Variants in HIVEP3 observed in about 807,000 individuals in gnomAD.
HIVEP3 encodes the protein HIVEP zinc finger 3, also known as transcription factor HIVEP3.
In HIVEP3, 49 loss-of-function variants were observed where a neutral mutation model predicts 152.8. That is an observed-to-expected ratio of 0.32 (90% CI 0.26 to 0.41). The LOEUF (loss-of-function observed/expected upper bound fraction) is 0.41, where lower values mean the gene tolerates loss of function less well. Among genes scored for constraint, HIVEP3 ranks in the 10% least tolerant of loss-of-function variants. The pLI, the probability that HIVEP3 is intolerant of heterozygous loss-of-function variation, is 1.00. For missense variants in HIVEP3, 2,790 were observed against 3,103.3 expected, an observed-to-expected ratio of 0.90 and a Z score of 2.40; for synonymous variants, 1,269 against 1,289.0, an observed-to-expected ratio of 0.98 and a Z score of 0.33.
intron 1 of HIVEP3, among the ~76,000 whole-genome samples, chr1:41,785,734 C>T (rs1361442662): frequency 6.6e-6 from 1 of 152,202 alleles, no homozygotes; most frequent in Non-Finnish European, 1.5e-5. Context: ...CACTAGCTCA[C>T]GCCTGTAATC....
intron 1 of HIVEP3, among the ~76,000 whole-genome samples, chr1:41,712,940 G>A (rs942914546): frequency 2.0e-5 from 3 of 152,234 alleles, no homozygotes; most frequent in African/African-American, 7.2e-5. Context: ...ACACAGCGGG[G>A]CAGGCTTGTC....
chr1:41,527,955 C>A (rs1643055992), intron 5 of HIVEP3, among the ~76,000 whole-genome samples: 1 of 142,638 alleles, frequency 7.0e-6, no homozygotes, highest in Non-Finnish European at 1.5e-5. Flanking sequence ...CACACATGCA[C>A]CCCACACCCT....
At chr1:42,002,545 T>A (rs1196607587) in intron 1 of HIVEP3, among the ~76,000 whole-genome samples, 1 of 152,230 alleles carries the variant, frequency 6.6e-6, no homozygotes, top group Non-Finnish European at 1.5e-5. Flanking sequence ...GGGTTCCCCA[T>A]GAACACTTTG....
intron 1 of HIVEP3, among the ~76,000 whole-genome samples, chr1:41,801,407 G>A (rs1309176312): frequency 1.1e-4 from 17 of 152,128 alleles, no homozygotes; most frequent in Admixed American, 1.1e-3. Context: ...CCTAGGTTGA[G>A]TTAATTGGGA....
rs539750640 is a variant in HIVEP3, at chr1:41,808,233, C to T, written c.-800-107238G>A. ...TACAAGGGGTGGGGCTGGACTTGAA[C>T]CTGAGGCTCCAGAGGGCATGCTCTC... On this transcript the variant is annotated intron_variant, in intron 1 of 8. Coordinates refer to ENST00000372583, the MANE Select transcript of HIVEP3 (RefSeq NM_024503.5). Among the ~76,000 whole-genome samples the T allele has an allele frequency of 2.6e-5, 4 of 152,368 alleles. No individual in the cohort carries two copies. The South Asian group carries it at 8.3e-4, about 32-fold the overall frequency.
intron 1 of HIVEP3, among the ~76,000 whole-genome samples, chr1:41,725,713 C>A (rs1646742361): frequency 6.6e-6 from 1 of 152,200 alleles, no homozygotes; most frequent in Admixed American, 6.5e-5. Context: ...CAGGCACTAT[C>A]AGATCTCCAG....
intron 3 of HIVEP3, among the ~76,000 whole-genome samples, chr1:41,611,001 G>A (rs1427741609): frequency 6.6e-6 from 1 of 152,136 alleles, no homozygotes; most frequent in Non-Finnish European, 1.5e-5. Flanking sequence ...AGTTCATACA[G>A]GCTTTCTTCC....
At chr1:41,612,486 A>G (rs1267629766) in intron 3 of HIVEP3, among the ~76,000 whole-genome samples, 3 of 152,150 alleles carry the variant, frequency 2.0e-5, no homozygotes, top group Non-Finnish European at 2.9e-5. Context: ...ATAACTAAGA[A>G]TTTCCTCAAA....
At chr1:41,949,371 G>T (rs1400546429) in intron 1 of HIVEP3, among the ~76,000 whole-genome samples, 7 of 152,112 alleles carry the variant, frequency 4.6e-5, no homozygotes, top group Non-Finnish European at 8.8e-5. Context: ...GAACTAAATG[G>T]TGACATGGAA....
At position 41,524,796 on chromosome 1, in the gene HIVEP3, G is replaced by C. The variant is rs1437891257; in HGVS notation, c.5322C>G (p.Arg1774=). 5 of 1,614,190 alleles carry C rather than the reference G, an allele frequency of 3.1e-6. No homozygotes were observed. In the East Asian group the frequency reaches 1.1e-4, roughly 36 times the overall value. ...KKPSMLKKHI[R]THTDVRPYVC... ...CATAGGGCCGGACGTCAGTGTGGGT[G>C]CGGATGTGTTTCTTCAGCATGCTGG... Residue 1774 remains arginine, a synonymous_variant, in exon 6 of 9, where the codon CGC becomes CGG. Transcript: ENST00000372583.
At chr1:41,907,994 CT>C (rs1173723900) in intron 1 of HIVEP3, among the ~76,000 whole-genome samples, 1 of 152,100 alleles carries the variant, frequency 6.6e-6, no homozygotes, top group African/African-American at 2.4e-5. Context: ...GCCTATAATT[CT>C]ATAAAAACTG....
rs1026792681 is a variant in HIVEP3 at position 41,873,131 on chromosome 1, G to A, written c.-801+45282C>T. Among the ~76,000 whole-genome samples, 1 of 152,238 alleles carries A rather than the reference G, an allele frequency of 6.6e-6. No individual in the cohort carries two copies. The highest frequency in any genetic ancestry group is 6.5e-5 in the Admixed American group (1 of 15,290). On this transcript the variant is annotated intron_variant, in intron 1 of 8. Transcript: ENST00000372583. This position sits in a 1 kb window ranked among gnomAD's most constrained non-coding sequence, Gnocchi z 4.2. The stretch of plus-strand genomic sequence containing the variant: ...GCTGGCAGGCGGCTTCCCAGGCAGG[G>A]TCTGCTCAGGACTGCTCTAGCCAGA...
intron 1 of HIVEP3, among the ~76,000 whole-genome samples, chr1:41,759,128 C>T (rs896483434): frequency 5.3e-5 from 8 of 151,750 alleles, no homozygotes; most frequent in African/African-American, 1.9e-4. Flanking sequence ...CTGGCAACCA[C>T]CAGTCTGCTT....
rs149424402 is a variant in HIVEP3 at position 41,636,740 on chromosome 1, C to G, written c.-720-7793G>C. ...AGAATATATTTAAAAATGTGGATCA[C>G]TTGAGGTCAGGAGTTCAAAACCAGC... On this transcript the variant is annotated intron_variant, in intron 2 of 8. Transcript: ENST00000372583. Among the ~76,000 whole-genome samples, 188 of 152,252 alleles carry G rather than the reference C, an allele frequency of 1.2e-3. 2 individuals are homozygous for G. The highest frequency in any genetic ancestry group is 6.8e-3 in the Middle Eastern group (2 of 294).
At chr1:41,986,590 G>A (rs1052433755) in intron 1 of HIVEP3, among the ~76,000 whole-genome samples, 4 of 151,908 alleles carry the variant, frequency 2.6e-5, no homozygotes, top group Non-Finnish European at 5.9e-5. Flanking sequence ...ACAGGCGCCC[G>A]CCACCACGCC....
intron 1 of HIVEP3, among the ~76,000 whole-genome samples, chr1:41,800,645 G>C (rs180870209): frequency 9.2e-5 from 14 of 152,358 alleles, no homozygotes; most frequent in East Asian, 7.7e-4. Context: ...GCCAGCAATA[G>C]ATAATGAAAC....
At chr1:41,684,657 T>C in intron 2 of HIVEP3, among the ~76,000 whole-genome samples, 1 of 152,260 alleles carries the variant, frequency 6.6e-6, no homozygotes, top group East Asian at 1.9e-4. Context: ...TCAGTTTCTT[T>C]AATCTGTAAA....
Position 41,533,616 on chromosome 1 carries a change from C to T in HIVEP3, c.5208-8706G>A, listed in dbSNP as rs763171175. Among the ~76,000 whole-genome samples, 12 of 152,020 alleles carry T rather than the reference C, an allele frequency of 7.9e-5. No individual in the cohort carries two copies. Among genetic ancestry groups the T allele is most frequent in the Admixed American group, 1.3e-4 (2 of 15,266 alleles). On this transcript the variant is annotated intron_variant, in intron 5 of 8. Transcript: ENST00000372583. This position sits in a 1 kb window ranked among gnomAD's most constrained non-coding sequence, Gnocchi z 4.3. ...GAAAGTCCATTTGCCTCATCCTGTC[C>T]GCCCTCTTGCTGGCCTTCTGGAGGC...
Position 41,561,679 on chromosome 1 carries a change from A to ATTT in HIVEP3, c.5207+13862_5207+13864dup, listed in dbSNP as rs56969476. On this transcript the variant is annotated intron_variant, in intron 5 of 8. Transcript: ENST00000372583. Reference sequence around the variant, plus strand: ...AGGCACACACTACCATGCCCAGCTAATTTTTTTTTTTTTTTTGTAGAGACA... The same window carrying ATTT: ...AGGCACACACTACCATGCCCAGCTAATTTTTTTTTTTTTTTTTTTGTAGAGACA... Among the ~76,000 whole-genome samples, 341 of 127,104 alleles carry ATTT rather than the reference A, an allele frequency of 2.7e-3. 4 individuals carry two copies. Among genetic ancestry groups the ATTT allele is most frequent in the Admixed American group, 3.7e-3 (47 of 12,628 alleles). The allele number at this position is 127,104 out of a possible 152,430, so 83.4% of individuals were successfully genotyped here.
Sources: gnomAD v4.1 joint callset for allele counts (sites outside exome capture counted in the v4.1 genomes callset) on GRCh38, gnomAD v4.1.1 for gene constraint, Gnocchi (gnomAD v3.1) non-coding constraint, MANE v1.5 for transcripts, NCBI Gene and HGNC (gene_info 2026-07-23, HGNC 2026-07-21) for gene names.